SGCZ: variants seen among roughly 807,000 people sequenced by gnomAD.
SGCZ encodes the protein sarcoglycan zeta.
A neutral mutation model predicts 41.3 loss-of-function variants in SGCZ; 40 were observed. That is an observed-to-expected ratio of 0.97 (90% confidence interval 0.75 to 1.26). The LOEUF (loss-of-function observed/expected upper bound fraction) is 1.26. Among genes scored for constraint, SGCZ ranks in the 50% most tolerant of loss-of-function variants. The probability of loss-of-function intolerance (pLI) is 0.00; values close to 1 mark genes in which losing one functional copy is unlikely to be tolerated. For synonymous variants in SGCZ, 206 were observed against 137.5 expected (o/e 1.50, Z -3.49); for missense variants, 552 against 369.8 (o/e 1.49, Z -4.04).
intron 1 of SGCZ, among the ~76,000 whole-genome samples, chr8:15,023,017 T>C (rs764337521): frequency 1.3e-5 from 2 of 152,166 alleles, no homozygotes; most frequent in Non-Finnish European, 2.9e-5. Context: ...TGTGGGCATT[T>C]TCTTCATCCT....
At chr8:14,881,786 A>G (rs1290902319) in intron 1 of SGCZ, among the ~76,000 whole-genome samples, 1 of 152,212 alleles carries the variant, frequency 6.6e-6, no homozygotes, top group Non-Finnish European at 1.5e-5. Context: ...ACATTTTCTC[A>G]TTGCCACATG....
At chr8:14,808,544 T>G (rs377337883) in intron 1 of SGCZ, among the ~76,000 whole-genome samples, 2 of 152,028 alleles carry the variant, frequency 1.3e-5, no homozygotes, top group African/African-American at 4.8e-5. Flanking sequence ...CATCTCACAC[T>G]AGTTAGAATG....
chr8:14,684,627 A>T lies in SGCZ; in HGVS notation c.40-129701T>A, dbSNP rs188523324. Among the ~76,000 whole-genome samples, 3 of 152,342 alleles carry T rather than the reference A, an allele frequency of 2.0e-5. No homozygotes were observed. The East Asian group carries it at 5.8e-4, about 29-fold the overall frequency. ...AAGTGTAAAAATTAAAATAGCTTTA[A>T]AAAGTTCATCTAAATGATGCATCTC... On this transcript the variant is annotated intron_variant, in intron 1 of 7. Transcript: ENST00000382080.
At chr8:15,129,703 T>A in intron 1 of SGCZ, among the ~76,000 whole-genome samples, 1 of 32,780 alleles carries the variant, frequency 3.1e-5, no homozygotes. Context: ...CAGAGAAGCA[T>A]TTGCAAAAAA....
intron 2 of SGCZ, among the ~76,000 whole-genome samples, chr8:14,363,315 G>T (rs111532728): frequency 6.6e-6 from 1 of 152,104 alleles, no homozygotes; most frequent in Non-Finnish European, 1.5e-5. Context: ...GTAATAAGGG[G>T]AAAATACTGA....
intron 1 of SGCZ, among the ~76,000 whole-genome samples, chr8:14,799,750 A>G (rs984974546): frequency 6.6e-6 from 1 of 152,126 alleles, no homozygotes; most frequent in Non-Finnish European, 1.5e-5. Context: ...CCTTTGAAGC[A>G]ACCTTCTCTA....
intron 1 of SGCZ, among the ~76,000 whole-genome samples, chr8:14,653,291 T>A (rs531191927): frequency 1.3e-5 from 2 of 152,244 alleles, no homozygotes; most frequent in East Asian, 3.9e-4. Flanking sequence ...ATCAGCAACG[T>A]GTCTTCCTAC....
intron 1 of SGCZ, among the ~76,000 whole-genome samples, chr8:14,815,772 T>C (rs138698889): frequency 4.3e-4 from 65 of 152,340 alleles, no homozygotes; most frequent in African/African-American, 1.5e-3. Flanking sequence ...TATTATACTA[T>C]CTGATAATAT....
chr8:14,337,624 A>G (rs1410521003), intron 2 of SGCZ, among the ~76,000 whole-genome samples: 1 of 152,174 alleles, frequency 6.6e-6, no homozygotes, highest in Non-Finnish European at 1.5e-5. Flanking sequence ...AAGTCTCAGG[A>G]AAGTAGATAT....
chr8:14,784,869 T>G (rs1172140957), intron 1 of SGCZ, among the ~76,000 whole-genome samples: 7 of 114,876 alleles, frequency 6.1e-5, no homozygotes, highest in Non-Finnish European at 1.0e-4. Flanking sequence ...GCCATTGCAC[T>G]CCAACTTGGG....
At chr8:14,606,811 C>T (rs1462941531) in intron 1 of SGCZ, among the ~76,000 whole-genome samples, 3 of 151,976 alleles carry the variant, frequency 2.0e-5, no homozygotes, top group Non-Finnish European at 2.9e-5. Flanking sequence ...TTTTTTGTTG[C>T]TGTTATTGCT....
intron 1 of SGCZ, among the ~76,000 whole-genome samples, chr8:14,677,597 C>T (rs957307425): frequency 2.0e-5 from 3 of 152,004 alleles, no homozygotes; most frequent in Non-Finnish European, 4.4e-5. Flanking sequence ...ACAGTGAAAC[C>T]CAGTCTCTAC....
intron 2 of SGCZ, among the ~76,000 whole-genome samples, chr8:14,412,639 C>T (rs1241237341): frequency 6.6e-6 from 1 of 151,980 alleles, no homozygotes. Flanking sequence ...TTTAATCTGC[C>T]TCATTTTCTT....
intron 2 of SGCZ, among the ~76,000 whole-genome samples, chr8:14,463,405 T>TA (rs55785142): frequency 0.015 from 1,876 of 128,382 alleles, 20 homozygotes; most frequent in African/African-American, 0.019. Flanking sequence ...ACAAGTGGTG[T>TA]AAAAAAAAAA....
intron 1 of SGCZ, chr8:14,879,450 G>C (rs1804494473): frequency 2.6e-5 from 4 of 151,984 alleles, no homozygotes; most frequent in Admixed American, 2.0e-4. Context: ...TATATAACTA[G>C]CCAAGCTTTT....
At chr8:15,234,949 C>T (rs909591254) in intron 1 of SGCZ, among the ~76,000 whole-genome samples, 1 of 152,114 alleles carries the variant, frequency 6.6e-6, no homozygotes, top group African/African-American at 2.4e-5. Flanking sequence ...TATCAAACCC[C>T]AGTAAACATT....
chr8:14,932,923 GTTATC>G (rs1799959641), intron 1 of SGCZ, among the ~76,000 whole-genome samples: 1 of 151,930 alleles, frequency 6.6e-6, no homozygotes, highest in Non-Finnish European at 1.5e-5. Flanking sequence ...TCAAGAGGCC[GTTATC>G]TTAAGTTAAT....
chr8:14,349,268 C>G (rs1051539873), intron 2 of SGCZ, among the ~76,000 whole-genome samples: 11 of 152,246 alleles, frequency 7.2e-5, no homozygotes, highest in Admixed American at 5.9e-4. Flanking sequence ...CTTCAATTCC[C>G]TTTTTCTCCC....
intron 1 of SGCZ, among the ~76,000 whole-genome samples, chr8:14,716,199 G>A (rs1307382025): frequency 6.8e-6 from 1 of 147,812 alleles, no homozygotes; most frequent in Non-Finnish European, 1.5e-5. Flanking sequence ...AAATACAACA[G>A]AATAAGTGTC....
Sources: allele counts gnomAD v4.1 joint callset (sites outside exome capture counted in the v4.1 genomes callset), GRCh38; gene constraint gnomAD v4.1.1; transcripts MANE v1.5; gene names NCBI Gene and HGNC (gene_info 2026-07-23, HGNC 2026-07-21).